Variants in ANKS1B observed in about 807,000 individuals in gnomAD.
ANKS1B encodes the protein ankyrin repeat and sterile alpha motif domain-containing protein 1B.
Under a neutral mutation model 148.3 loss-of-function variants are expected in ANKS1B, and 36 were observed. The observed-to-expected ratio is 0.24, with a 90% CI of 0.19 to 0.32. ANKS1B has a LOEUF of 0.32. ANKS1B is among the 10% of genes least tolerant of loss of function. ANKS1B has a pLI of 1.00. For synonymous variants in ANKS1B, 542 were observed against 560.8 expected (o/e 0.97, Z 0.47); for missense variants, 1,157 against 1,542.6 (o/e 0.75, Z 4.19).
In ANKS1B at chr12:98,781,122, T is replaced by C; in HGVS notation, c.3436A>G (p.Asn1146Asp). Residue 1146 changes from asparagine (N) to aspartate (D), a missense_variant, in exon 24 of 27, where the codon AAT becomes GAT. Transcript: ENST00000683438. ...GAGAGAGGAGTGGTACTTACCTTAT[T>C]TGTTGCATCAATAAATTTGACTCCT... ...YKGVKFIDAT[N>D]KNIIAEHEIR... The C allele has an allele frequency of 7.7e-6, 12 of 1,559,616 alleles. No individual in the cohort carries two copies. Among genetic ancestry groups the C allele is most frequent in the Non-Finnish European group, 1.0e-5 (12 of 1,145,736 alleles).
intron 4 of ANKS1B, among the ~76,000 whole-genome samples, chr12:99,805,281 A>AAAAAAAAAAAAAAAAAC (rs2067484859): frequency 6.8e-6 from 1 of 148,142 alleles, no homozygotes; most frequent in Non-Finnish European, 1.5e-5. Context: ...AAAAAAAAAA[A>AAAAAAAAAAAAAAAAAC]AAAAAAAGAC....
At chr12:99,731,503 G>A (rs2059159401) in intron 8 of ANKS1B, among the ~76,000 whole-genome samples, 1 of 151,354 alleles carries the variant, frequency 6.6e-6, no homozygotes, top group African/African-American at 2.4e-5. Context: ...AGTCTGCTGA[G>A]CTTCTCATGC....
chr12:99,583,258 A>G (rs971722219), intron 9 of ANKS1B, among the ~76,000 whole-genome samples: 3 of 152,196 alleles, frequency 2.0e-5, no homozygotes, highest in Non-Finnish European at 4.4e-5. Flanking sequence ...AACACAACTG[A>G]TTATTCTTAG....
At chr12:99,871,429 C>CAGA (rs2091502976) in intron 1 of ANKS1B, among the ~76,000 whole-genome samples, 1 of 151,948 alleles carries the variant, frequency 6.6e-6, no homozygotes, top group Admixed American at 6.6e-5. Context: ...TTAGAATAGT[C>CAGA]TTTTCTAATT....
chr12:99,349,292 G>T (rs1566938616), intron 12 of ANKS1B, among the ~76,000 whole-genome samples: 1 of 151,884 alleles, frequency 6.6e-6, no homozygotes, highest in African/African-American at 2.4e-5. Context: ...GGAACAAAAA[G>T]GTTATAAGAC....
chr12:99,369,137 T>TA (rs1264184272), intron 12 of ANKS1B, among the ~76,000 whole-genome samples: 1 of 152,146 alleles, frequency 6.6e-6, no homozygotes, highest in Non-Finnish European at 1.5e-5. Context: ...CTAAAAGTGA[T>TA]AAAATTTAGC....
At chr12:99,383,812 A>G (rs1486868195) in intron 12 of ANKS1B, among the ~76,000 whole-genome samples, 2 of 150,052 alleles carry the variant, frequency 1.3e-5, no homozygotes, top group African/African-American at 5.0e-5. Context: ...CAGGAGTTCA[A>G]GACCAGCCTA....
intron 9 of ANKS1B, among the ~76,000 whole-genome samples, chr12:99,637,397 CAT>C (rs1159689946): frequency 6.6e-6 from 1 of 152,092 alleles, no homozygotes; most frequent in Non-Finnish European, 1.5e-5. Flanking sequence ...CCATAATCCC[CAT>C]GTGTGATGGT....
chr12:99,619,482 C>A (rs530818223), intron 9 of ANKS1B, among the ~76,000 whole-genome samples: 1 of 151,998 alleles, frequency 6.6e-6, no homozygotes, highest in Non-Finnish European at 1.5e-5. Flanking sequence ...CCAGGCAGAT[C>A]TCCAGGCATT....
At chr12:99,648,521 A>G in intron 9 of ANKS1B, 2 of 1,614,098 alleles carry the variant, frequency 1.2e-6, no homozygotes, top group Non-Finnish European at 1.7e-6. Flanking sequence ...GAGATCTTAG[A>G]ACTAACCAGG....
chr12:99,263,849 A>G (rs1352397456), intron 12 of ANKS1B, among the ~76,000 whole-genome samples: 2 of 152,188 alleles, frequency 1.3e-5, no homozygotes, highest in Non-Finnish European at 2.9e-5. Context: ...ACGTGAGTCA[A>G]CTAAACCTCT....
chr12:99,751,135 C>T (rs556402202), intron 8 of ANKS1B, among the ~76,000 whole-genome samples: 99 of 120,220 alleles, frequency 8.2e-4, no homozygotes, highest in Non-Finnish European at 1.5e-3. Context: ...TATTTCTTTG[C>T]TTAATCCCAG....
intron 11 of ANKS1B, among the ~76,000 whole-genome samples, chr12:99,421,981 C>T (rs542136446): frequency 6.6e-6 from 1 of 152,186 alleles, no homozygotes; most frequent in Non-Finnish European, 1.5e-5. Flanking sequence ...TTGCACTTCA[C>T]AACTTCTGCC....
At chr12:98,940,372 G>A (rs1292128693) in intron 17 of ANKS1B, among the ~76,000 whole-genome samples, 1 of 152,114 alleles carries the variant, frequency 6.6e-6, no homozygotes, top group Non-Finnish European at 1.5e-5. Flanking sequence ...TGAGGAGGGG[G>A]GTGCAGAGGG....
intron 17 of ANKS1B, among the ~76,000 whole-genome samples, chr12:98,879,921 C>T (rs879476545): frequency 2.0e-5 from 3 of 152,132 alleles, no homozygotes; most frequent in Non-Finnish European, 4.4e-5. Context: ...CACCATCAGC[C>T]AAGATTTCCA....
chr12:99,510,391 A>G (rs893911973), intron 9 of ANKS1B, among the ~76,000 whole-genome samples: 1 of 152,014 alleles, frequency 6.6e-6, no homozygotes, highest in Non-Finnish European at 1.5e-5. Flanking sequence ...TTTGTGATTC[A>G]TCAGATGAAG....
At chr12:99,682,282 T>C (rs1021428914) in intron 8 of ANKS1B, among the ~76,000 whole-genome samples, 7 of 152,156 alleles carry the variant, frequency 4.6e-5, no homozygotes, top group Admixed American at 1.3e-4. Flanking sequence ...TTGCAGAACA[T>C]TTTCTATCCA....
intron 1 of ANKS1B, among the ~76,000 whole-genome samples, chr12:99,950,024 G>A (rs976414604): frequency 6.6e-6 from 1 of 151,388 alleles, no homozygotes; most frequent in Non-Finnish European, 1.5e-5. Context: ...GCAGTAGCAC[G>A]ATCACAGCTC....
chr12:99,546,134 T>C (rs1392977595), intron 9 of ANKS1B, among the ~76,000 whole-genome samples: 2 of 152,148 alleles, frequency 1.3e-5, no homozygotes, highest in Non-Finnish European at 2.9e-5. Context: ...AGCTGGCACA[T>C]AGTGACAGTC....
Sources: allele counts gnomAD v4.1 joint callset (sites outside exome capture counted in the v4.1 genomes callset), GRCh38; gene constraint gnomAD v4.1.1; transcripts MANE v1.5; gene names NCBI Gene and HGNC (gene_info 2026-07-23, HGNC 2026-07-21).